Variants in MMP16 observed in about 807,000 individuals in gnomAD.
MMP16 encodes the protein matrix metallopeptidase 16.
A neutral mutation model predicts 67.8 loss-of-function variants in MMP16; 12 were observed. That is an observed-to-expected ratio of 0.18 (90% CI 0.11 to 0.29). MMP16 has a LOEUF of 0.29. Ranked by LOEUF, MMP16 falls within the 10% of genes least tolerant of loss-of-function variation. The pLI is 1.00. For missense variants in MMP16, 475 were observed against 765.7 expected, an observed-to-expected ratio of 0.62 and a Z score of 4.48; for synonymous variants, 249 against 255.9, an observed-to-expected ratio of 0.97 and a Z score of 0.26.
intron 1 of MMP16, among the ~76,000 whole-genome samples, chr8:88,302,676 G>A (rs1811122152): frequency 6.6e-6 from 1 of 152,204 alleles, no homozygotes; most frequent in South Asian, 2.1e-4. Flanking sequence ...AGGGGAAACA[G>A]TTAAAGTGAG....
intron 6 of MMP16, among the ~76,000 whole-genome samples, chr8:88,078,032 C>G (rs1808679547): frequency 6.6e-6 from 1 of 152,038 alleles, no homozygotes; most frequent in South Asian, 2.1e-4. Flanking sequence ...CCTCAAGCTT[C>G]TTACCTCCTT....
chr8:88,155,398 GT>G (rs1461275987), intron 4 of MMP16, among the ~76,000 whole-genome samples: 1 of 151,884 alleles, frequency 6.6e-6, no homozygotes, highest in East Asian at 1.9e-4. Flanking sequence ...TTCCTGCATA[GT>G]GATATAAAGA....
At chr8:88,167,213 A>AAAAC (rs1357736746) in intron 4 of MMP16, among the ~76,000 whole-genome samples, 1 of 152,144 alleles carries the variant, frequency 6.6e-6, no homozygotes, top group Non-Finnish European at 1.5e-5. Context: ...ACTTCATCTC[A>AAAAC]AAACAAACAA....
chr8:88,207,379 T>G (rs1246339005), intron 1 of MMP16, among the ~76,000 whole-genome samples: 3 of 152,022 alleles, frequency 2.0e-5, no homozygotes, highest in Admixed American at 2.0e-4. Context: ...GAAAACGCTA[T>G]GTGATGCAAA....
At chr8:88,251,112 A>C (rs1190812461) in intron 1 of MMP16, among the ~76,000 whole-genome samples, 2 of 151,864 alleles carry the variant, frequency 1.3e-5, no homozygotes, top group South Asian at 2.1e-4. Context: ...TGAACTCATC[A>C]TTTTTTATGG....
At chr8:88,090,528 T>C (rs2118341999) in intron 6 of MMP16, among the ~76,000 whole-genome samples, 1 of 151,980 alleles carries the variant, frequency 6.6e-6, no homozygotes, top group Admixed American at 6.6e-5. Flanking sequence ...ACTGAGTCAG[T>C]GAGTTACGCA....
At chr8:88,064,386 A>G (rs1808437684) in intron 7 of MMP16, among the ~76,000 whole-genome samples, 2 of 152,108 alleles carry the variant, frequency 1.3e-5, no homozygotes, top group African/African-American at 2.4e-5. Context: ...TAAATAATCA[A>G]TATTTTATTT....
At chr8:88,072,779 G>T (rs1808580651) in intron 7 of MMP16, among the ~76,000 whole-genome samples, 1 of 152,118 alleles carries the variant, frequency 6.6e-6, no homozygotes, top group Non-Finnish European at 1.5e-5. Context: ...CATCTCTCAT[G>T]AAATTTCTAT....
At chr8:88,215,444 G>T (rs534118006) in intron 1 of MMP16, among the ~76,000 whole-genome samples, 2 of 152,188 alleles carry the variant, frequency 1.3e-5, no homozygotes, top group Non-Finnish European at 2.9e-5. Flanking sequence ...TAACCTCTAT[G>T]GACTGTACTA....
chr8:88,323,752 C>A (rs1811495348), intron 1 of MMP16, among the ~76,000 whole-genome samples: 1 of 150,984 alleles, frequency 6.6e-6, no homozygotes, highest in Non-Finnish European at 1.5e-5. Flanking sequence ...TATGTTCTGT[C>A]TCAAATTTCA....
chr8:88,174,869 C>A (rs1433557215), intron 3 of MMP16, among the ~76,000 whole-genome samples: 1 of 151,984 alleles, frequency 6.6e-6, no homozygotes, highest in African/African-American at 2.4e-5. Context: ...ATTCTCCTGC[C>A]TAGCCTACTG....
At chr8:88,265,906 G>A (rs1810469166) in intron 1 of MMP16, among the ~76,000 whole-genome samples, 1 of 152,198 alleles carries the variant, frequency 6.6e-6, no homozygotes, top group African/African-American at 2.4e-5. Context: ...AAGAAATGGA[G>A]TTGAATGGCC....
At chr8:88,075,312 G>A (rs1808629240) in intron 6 of MMP16, among the ~76,000 whole-genome samples, 1 of 152,082 alleles carries the variant, frequency 6.6e-6, no homozygotes, top group African/African-American at 2.4e-5. Flanking sequence ...TCATCGCAGA[G>A]GATTCTAGTC....
intron 1 of MMP16, among the ~76,000 whole-genome samples, chr8:88,250,972 C>A (rs1586226757): frequency 6.7e-6 from 1 of 149,146 alleles, no homozygotes; most frequent in East Asian, 2.0e-4. Flanking sequence ...GCTCCCCTTC[C>A]TGTGTCCATG....
intron 4 of MMP16, among the ~76,000 whole-genome samples, chr8:88,142,206 G>A (rs776481368): frequency 6.6e-6 from 1 of 151,824 alleles, no homozygotes; most frequent in African/African-American, 2.4e-5. Context: ...CACCATGCCC[G>A]GCCATAAATA....
intron 4 of MMP16, among the ~76,000 whole-genome samples, chr8:88,156,288 A>G (rs1808507559): frequency 6.6e-6 from 1 of 152,084 alleles, no homozygotes; most frequent in South Asian, 2.1e-4. Flanking sequence ...TGCTCAGGAC[A>G]CATGCATCTG....
intron 1 of MMP16, among the ~76,000 whole-genome samples, chr8:88,248,652 A>G (rs1443781422): frequency 1.3e-5 from 2 of 151,956 alleles, no homozygotes; most frequent in Non-Finnish European, 2.9e-5. Context: ...TGGGTCTCTG[A>G]GGTCAGTAAT....
Position 88,035,696 on chromosome 8 carries a change from T to C in MMP16, c.*5765A>G, listed in dbSNP as rs1808045796. The C allele has an allele frequency of 6.6e-6, 1 of 152,062 alleles. No individual in the cohort carries two copies. The highest frequency in any genetic ancestry group is 2.1e-4 in the South Asian group (1 of 4,828). The allele number at this position is 152,062 out of a possible 1,614,324, so 9.4% of individuals were successfully genotyped here. On this transcript the variant is annotated 3_prime_UTR_variant, in exon 10 of 10. Coordinates refer to ENST00000286614, the MANE Select transcript of MMP16 (RefSeq NM_005941.5). This position sits in a 1 kb window ranked among gnomAD's most constrained non-coding sequence, Gnocchi z 4.7. ...GTCACGTCCAGTTATAAGCCCATAA[T>C]TGTGTTTAAAAATTGAAGACTGCTA...
chr8:88,171,117 A>T (rs182389568), intron 3 of MMP16, among the ~76,000 whole-genome samples: 1 of 152,232 alleles, frequency 6.6e-6, no homozygotes, highest in African/African-American at 2.4e-5. Context: ...TTTGAGAAAA[A>T]TGAAGCAAAA....
Sources: allele counts gnomAD v4.1 joint callset (sites outside exome capture counted in the v4.1 genomes callset), GRCh38; gene constraint gnomAD v4.1.1; non-coding constraint Gnocchi (gnomAD v3.1); transcripts MANE v1.5; gene names NCBI Gene and HGNC (gene_info 2026-07-23, HGNC 2026-07-21).